Variants in STPG2 observed in about 807,000 individuals in gnomAD.
The protein encoded by STPG2 is sperm-tail PG-rich repeat-containing protein 2.
A neutral mutation model predicts 54.2 loss-of-function variants in STPG2; 56 were observed. That is an observed-to-expected ratio of 1.03 (90% confidence interval 0.83 to 1.29). The LOEUF (loss-of-function observed/expected upper bound fraction) is 1.29, where lower values mean the gene tolerates loss of function less well. STPG2 is among the 50% of genes most tolerant of loss of function. The pLI is 0.00. For synonymous variants in STPG2, 200 were observed against 181.8 expected, an observed-to-expected ratio of 1.10 and a Z score of -0.81; for missense variants, 596 against 544.9, an observed-to-expected ratio of 1.09 and a Z score of -0.93.
chr4:97,633,201 T>C (rs1472775010), intron 10 of STPG2, among the ~76,000 whole-genome samples: 1 of 152,154 alleles, frequency 6.6e-6, no homozygotes, highest in African/African-American at 2.4e-5. Flanking sequence ...GGACTTGCCA[T>C]TGGATGACAG....
At chr4:97,512,418 T>C (rs988434806) in intron 4 of STPG2, among the ~76,000 whole-genome samples, 1 of 152,070 alleles carries the variant, frequency 6.6e-6, no homozygotes, top group Non-Finnish European at 1.5e-5. Context: ...TCCCTGACTG[T>C]AAATGTTTAG....
chr4:97,866,608 T>C (rs896095573), intron 8 of STPG2, among the ~76,000 whole-genome samples: 1 of 152,012 alleles, frequency 6.6e-6, no homozygotes, highest in East Asian at 1.9e-4. Context: ...CAAATTGTGA[T>C]GTTGAGCTAA....
intron 9 of STPG2, among the ~76,000 whole-genome samples, chr4:97,737,563 T>G (rs1403876723): frequency 6.6e-6 from 1 of 152,140 alleles, no homozygotes; most frequent in Non-Finnish European, 1.5e-5. Context: ...ACGTGAAGAA[T>G]GCAGAAGCCT....
chr4:97,937,385 C>T (rs894338403), intron 8 of STPG2, among the ~76,000 whole-genome samples: 9 of 152,108 alleles, frequency 5.9e-5, no homozygotes, highest in African/African-American at 1.9e-4. Flanking sequence ...TTCTGTAATT[C>T]ATCTATCTCA....
chr4:98,141,448 C>A (rs1463295915), intron 1 of STPG2, among the ~76,000 whole-genome samples: 1 of 152,164 alleles, frequency 6.6e-6, no homozygotes, highest in African/African-American at 2.4e-5. Context: ...GTTTCCTCTG[C>A]ACAACAAAAC....
chr4:97,686,769 TAAAAC>T (rs1411438381), intron 10 of STPG2, among the ~76,000 whole-genome samples: 1 of 152,142 alleles, frequency 6.6e-6, no homozygotes, highest in East Asian at 1.9e-4. Flanking sequence ...CCCCATTTGA[TAAAAC>T]ATATCACGGT....
chr4:97,939,701 T>G (rs541537916), intron 8 of STPG2, among the ~76,000 whole-genome samples: 1 of 152,310 alleles, frequency 6.6e-6, no homozygotes, highest in East Asian at 1.9e-4. Flanking sequence ...AGTCATTACA[T>G]GTAAGATGGG....
chr4:97,747,675 C>T (rs1725460120), intron 9 of STPG2, among the ~76,000 whole-genome samples: 1 of 151,220 alleles, frequency 6.6e-6, no homozygotes, highest in African/African-American at 2.4e-5. Context: ...TTTCATAAAG[C>T]TCATATTTTA....
chr4:98,066,841 G>A (rs1412948003), intron 5 of STPG2, among the ~76,000 whole-genome samples: 2 of 152,016 alleles, frequency 1.3e-5, no homozygotes, highest in Non-Finnish European at 2.9e-5. Flanking sequence ...GTAACTGTTC[G>A]AGTGACTGCT....
At chr4:97,599,507 A>G (rs1007672345) in intron 10 of STPG2, among the ~76,000 whole-genome samples, 1 of 152,172 alleles carries the variant, frequency 6.6e-6, no homozygotes, top group African/African-American at 2.4e-5. Context: ...ATGCCTATCA[A>G]TGGTAGATTG....
At chr4:97,784,345 T>C (rs981165416) in intron 9 of STPG2, among the ~76,000 whole-genome samples, 2 of 152,290 alleles carry the variant, frequency 1.3e-5, no homozygotes, top group Admixed American at 1.3e-4. Context: ...TTGTTACTTT[T>C]TCTAAACCAA....
intron 4 of STPG2, among the ~76,000 whole-genome samples, chr4:97,495,045 CAT>C (rs953459658): frequency 3.4e-4 from 51 of 151,416 alleles, no homozygotes; most frequent in African/African-American, 1.2e-3. Flanking sequence ...ATCTCTATAA[CAT>C]AAATCTTCAG....
chr4:97,975,223 T>C (rs996133142), intron 6 of STPG2, among the ~76,000 whole-genome samples: 1 of 152,200 alleles, frequency 6.6e-6, no homozygotes, highest in Non-Finnish European at 1.5e-5. Flanking sequence ...ATTGCCTGAC[T>C]ACATACATCT....
At chr4:97,477,352 C>A (rs556113221) in intron 4 of STPG2, among the ~76,000 whole-genome samples, 3 of 152,206 alleles carry the variant, frequency 2.0e-5, no homozygotes, top group Admixed American at 6.5e-5. Flanking sequence ...TGAGTGGATG[C>A]CATTAGTTCT....
At chr4:97,517,954 A>G (rs1382113191) in intron 4 of STPG2, among the ~76,000 whole-genome samples, 1 of 152,116 alleles carries the variant, frequency 6.6e-6, no homozygotes, top group South Asian at 2.1e-4. Context: ...TCAAATAGCT[A>G]TTACTCATCT....
chr4:97,652,649 G>A (rs1722103662), intron 10 of STPG2, among the ~76,000 whole-genome samples: 1 of 151,844 alleles, frequency 6.6e-6, no homozygotes, highest in South Asian at 2.1e-4. Flanking sequence ...ATGCCCTAAA[G>A]GATACCAGTA....
At chr4:97,731,725 A>C (rs1042782220) in intron 9 of STPG2, among the ~76,000 whole-genome samples, 1 of 152,152 alleles carries the variant, frequency 6.6e-6, no homozygotes, top group African/African-American at 2.4e-5. Context: ...TCCAGCTCCC[A>C]CACCAGTCCA....
At chr4:98,111,997 G>GAA (rs1308771165) in intron 3 of STPG2, among the ~76,000 whole-genome samples, 2 of 151,900 alleles carry the variant, frequency 1.3e-5, no homozygotes, top group East Asian at 3.9e-4. Context: ...CAGCTCCCGT[G>GAA]GTTCTCAGGC....
At position 98,098,524 on chromosome 4, in the gene STPG2, A is replaced by T. The variant is rs747734333; in HGVS notation, c.612+7429T>A. On this transcript the variant is annotated intron_variant, in intron 5 of 10. Transcript: ENST00000295268. ...GACTCCAAAGTATGAAATTACTAAAAGAAAACATTGGAGAAACTCTCCAGG... is the reference window on the plus strand; with the variant it reads ...GACTCCAAAGTATGAAATTACTAAATGAAAACATTGGAGAAACTCTCCAGG... Among the ~76,000 whole-genome samples the T allele has an allele frequency of 4.6e-4, 70 of 152,336 alleles. 1 individual carries two copies. The highest frequency in any genetic ancestry group is 9.1e-4 in the Non-Finnish European group (62 of 68,010).
Sources: allele counts gnomAD v4.1 joint callset (sites outside exome capture counted in the v4.1 genomes callset), GRCh38; gene constraint gnomAD v4.1.1; transcripts MANE v1.5; gene names NCBI Gene and HGNC (gene_info 2026-07-23, HGNC 2026-07-21).